NME9: variants seen among roughly 807,000 people sequenced by gnomAD.
NME9 encodes thioredoxin domain-containing protein 6.
Under a neutral mutation model 44.4 loss-of-function variants are expected in NME9, and 48 were observed. That is an observed-to-expected ratio of 1.08 (90% CI 0.86 to 1.37). The LOEUF (loss-of-function observed/expected upper bound fraction) is 1.37. Ranked by LOEUF, NME9 falls within the 40% of genes most tolerant of loss-of-function variation. The pLI, the probability that NME9 is intolerant of heterozygous loss-of-function variation, is 0.00. For missense variants in NME9, 325 were observed against 405.2 expected (o/e 0.80, Z 1.70); for synonymous variants, 139 against 147.1 (o/e 0.94, Z 0.40).
chr3:138,321,667 G>A (rs1278602714), intron 2 of NME9, among the ~76,000 whole-genome samples: 1 of 152,162 alleles, frequency 6.6e-6, no homozygotes, highest in Non-Finnish European at 1.5e-5. Context: ...GTTTAGCCAT[G>A]TAGCACAATT....
At chr3:138,286,143 A>G (rs1042437927) in intron 8 of NME9, among the ~76,000 whole-genome samples, 8 of 152,112 alleles carry the variant, frequency 5.3e-5, no homozygotes, top group Admixed American at 3.9e-4. Flanking sequence ...GGGTTTCACC[A>G]TGTTGGCCAG....
Position 138,329,527 on chromosome 3 carries a change from C to T in NME9, c.-192G>A, listed in dbSNP as rs2053995381. 10 of 1,375,862 alleles carry T rather than the reference C, an allele frequency of 7.3e-6. No individual in the cohort carries two copies. Among genetic ancestry groups the T allele is most frequent in the Non-Finnish European group, 8.4e-6 (9 of 1,068,262 alleles). 85.2% of individuals were successfully genotyped at this position (1,375,862 alleles called of 1,614,324 possible). On this transcript the variant is annotated 5_prime_UTR_variant, in exon 1 of 11. Transcript: ENST00000333911. ...AGCACACTGATACAAAGTGAACACC[C>T]CGCGAGGAAGCGGAGCCTGCAGTCC...
intron 8 of NME9, among the ~76,000 whole-genome samples, chr3:138,286,493 G>A (rs573014962): frequency 1.3e-5 from 2 of 152,126 alleles, no homozygotes; most frequent in South Asian, 2.1e-4. Context: ...CTTGGCTTGC[G>A]TGACACCATA....
chr3:138,285,634 TC>T (rs1174879526), intron 8 of NME9, among the ~76,000 whole-genome samples: 6 of 152,196 alleles, frequency 3.9e-5, no homozygotes, highest in African/African-American at 1.4e-4. Flanking sequence ...TTTGTTCACT[TC>T]CTTCAGAGCA....
intron 8 of NME9, chr3:138,288,995 C>A: frequency 6.7e-7 from 1 of 1,492,350 alleles, no homozygotes; most frequent in Non-Finnish European, 9.2e-7. Flanking sequence ...AAAAAAAAAT[C>A]TAAAATGAGA....
chr3:138,271,735 T>C (rs2048807428), intron 8 of NME9, among the ~76,000 whole-genome samples: 1 of 152,006 alleles, frequency 6.6e-6, no homozygotes, highest in Admixed American at 6.6e-5. Context: ...TTAATTAAAA[T>C]AAGTTCCTGG....
At chr3:138,327,480 A>C (rs1041840209) in intron 1 of NME9, among the ~76,000 whole-genome samples, 4 of 152,150 alleles carry the variant, frequency 2.6e-5, no homozygotes, top group African/African-American at 4.8e-5. Context: ...CAGCCCTGGG[A>C]GCCAGGCAAG....
intron 5 of NME9, among the ~76,000 whole-genome samples, chr3:138,314,933 G>T (rs1473675376): frequency 6.6e-6 from 1 of 152,184 alleles, no homozygotes; most frequent in East Asian, 1.9e-4. Context: ...AGTCACATTT[G>T]CCAGATGCTC....
chr3:138,306,169 A>G (rs915295240), intron 7 of NME9, 73 bp from the exon 8 acceptor site: 10 of 1,155,016 alleles, frequency 8.7e-6, no homozygotes, highest in Middle Eastern at 2.0e-4. Context: ...AATTTAGTTG[A>G]AAGGTAAAAA....
At chr3:138,294,955 A>G (rs554854749) in intron 8 of NME9, among the ~76,000 whole-genome samples, 272 of 150,852 alleles carry the variant, frequency 1.8e-3, no homozygotes, top group Middle Eastern at 0.01. Context: ...CTGGAGTGCA[A>G]TGGCACCATC....
In NME9 at chr3:138,319,497, T is replaced by TCCAGGCCGA; in HGVS notation, c.167_175dup (p.Val56_Leu58dup). ...TCTTACTAATGCAAAGTGCAGAAGG[T>TCCAGGCCGA]CCAGGCCGACCTCGATCCTCATCTT... is the stretch of plus-strand genomic sequence containing the variant. On this transcript the variant is annotated inframe_insertion, in exon 3 of 11. Coordinates refer to ENST00000333911, the MANE Select transcript of NME9 (RefSeq NM_001349018.2). 1 of 1,608,674 alleles carries TCCAGGCCGA rather than the reference T, an allele frequency of 6.2e-7. No individual in the cohort carries two copies.
At chr3:138,274,233 ATG>A (rs142329302) in intron 8 of NME9, among the ~76,000 whole-genome samples, 9,040 of 141,810 alleles carry the variant, frequency 0.064, 389 homozygotes, top group African/African-American at 0.14. Context: ...GTGTATATAC[ATG>A]TGTGTGTGTG....
intron 10 of NME9, among the ~76,000 whole-genome samples, chr3:138,302,030 G>A (rs2051885033): frequency 6.6e-6 from 1 of 152,084 alleles, no homozygotes; most frequent in African/African-American, 2.4e-5. Context: ...AGGAAACTGA[G>A]GCCCAGAAAA....
At chr3:138,320,435 T>G (rs1000381802) in intron 2 of NME9, among the ~76,000 whole-genome samples, 1 of 152,146 alleles carries the variant, frequency 6.6e-6, no homozygotes, top group Non-Finnish European at 1.5e-5. Context: ...ACCGCCAGAG[T>G]AGTATAGTCA....
In NME9 at chr3:138,262,193, G is replaced by C. The variant is rs926084552; in HGVS notation, c.*347C>G. ...CAGGACATCCATGCCAGGGGGAAAA[G>C]ATATGAGGGAGTCACAAAGAGTAGG... On this transcript the variant is annotated 3_prime_UTR_variant, in exon 9 of 9. Coordinates refer to the NME9 transcript ENST00000317876. The C allele has an allele frequency of 3.7e-5, 7 of 189,876 alleles. No individual in the cohort carries two copies. In the East Asian group the frequency reaches 3.9e-4, roughly 11 times the overall value. The allele number at this position is 189,876 out of a possible 1,614,324, so 11.8% of individuals were successfully genotyped here.
intron 4 of NME9, among the ~76,000 whole-genome samples, chr3:138,315,927 G>C (rs890102481): frequency 6.6e-6 from 1 of 152,068 alleles, no homozygotes; most frequent in East Asian, 1.9e-4. Context: ...CACCTCCCAG[G>C]TTCACACCAT....
chr3:138,309,161 T>C (rs2052511115), intron 6 of NME9, among the ~76,000 whole-genome samples: 1 of 152,032 alleles, frequency 6.6e-6, no homozygotes, highest in Non-Finnish European at 1.5e-5. Flanking sequence ...CTAGGTGTGG[T>C]GGCACATGCC....
At chr3:138,277,096 C>A (rs1225878324) in intron 8 of NME9, among the ~76,000 whole-genome samples, 1 of 152,104 alleles carries the variant, frequency 6.6e-6, no homozygotes, top group African/African-American at 2.4e-5. Flanking sequence ...ACCAATGGAA[C>A]AGACTAGAGA....
intron 8 of NME9, chr3:138,264,217 G>A: frequency 6.2e-7 from 1 of 1,613,050 alleles, no homozygotes; most frequent in Non-Finnish European, 8.5e-7. Context: ...ATGAAGGTAA[G>A]AAGAAAGGGT....
Sources: allele counts gnomAD v4.1 joint callset (sites outside exome capture counted in the v4.1 genomes callset), GRCh38; gene constraint gnomAD v4.1.1; transcripts MANE v1.5; gene names NCBI Gene and HGNC (gene_info 2026-07-23, HGNC 2026-07-21).